Variants in SCRN1 observed in about 807,000 individuals in gnomAD.
The protein encoded by SCRN1 is secernin-1.
In SCRN1, 19 loss-of-function variants were observed where a neutral mutation model predicts 43.3. That is an observed-to-expected ratio of 0.44 (90% CI 0.31 to 0.64). The LOEUF is 0.64. Among genes scored for constraint, SCRN1 ranks in the 30% least tolerant of loss-of-function variants. The pLI, the probability that SCRN1 is intolerant of heterozygous loss-of-function variation, is 0.09. For synonymous variants in SCRN1, 183 were observed against 188.9 expected (o/e 0.97, Z 0.26); for missense variants, 447 against 524.1 (o/e 0.85, Z 1.44).
At chr7:29,933,484 T>A (rs955969079) in intron 6 of SCRN1, among the ~76,000 whole-genome samples, 6 of 152,168 alleles carry the variant, frequency 3.9e-5, no homozygotes, top group African/African-American at 1.4e-4. Context: ...ATTCTTCACA[T>A]CAATGAAGCT....
At chr7:29,947,279 A>T (rs1235789057) in intron 3 of SCRN1, 7 of 1,550,804 alleles carry the variant, frequency 4.5e-6, no homozygotes, top group Non-Finnish European at 6.1e-6. Context: ...TCTCACAGGT[A>T]TGTCAAGCTC....
intron 1 of SCRN1, among the ~76,000 whole-genome samples, chr7:29,986,235 C>CGA (rs373899817): frequency 7.9e-5 from 12 of 152,234 alleles, no homozygotes; most frequent in African/African-American, 2.4e-4. Context: ...GGCCCTGTCT[C>CGA]GAGAGAGAGC....
chr7:29,986,801 T>G (rs977294676), intron 1 of SCRN1, among the ~76,000 whole-genome samples: 4 of 144,912 alleles, frequency 2.8e-5, no homozygotes, highest in African/African-American at 1.0e-4. Context: ...CTCGCCTCAC[T>G]GCAACCTCCG....
intron 1 of SCRN1, among the ~76,000 whole-genome samples, chr7:29,972,720 A>C (rs1432917909): frequency 6.6e-6 from 1 of 152,242 alleles, no homozygotes; most frequent in African/African-American, 2.4e-5. Flanking sequence ...CCATGTGTGC[A>C]CTGACTAGCT....
chr7:29,936,855 C>T (rs1223484943), intron 5 of SCRN1, 134 bp from the exon 6 acceptor site: 3 of 520,058 alleles, frequency 5.8e-6, no homozygotes, highest in Non-Finnish European at 9.0e-6. Flanking sequence ...GACCATCCTG[C>T]ATAACACGGT....
chr7:29,947,728 A>T (rs1197491901), intron 3 of SCRN1, among the ~76,000 whole-genome samples: 1 of 152,222 alleles, frequency 6.6e-6, no homozygotes, highest in Non-Finnish European at 1.5e-5. Context: ...AAAAATTCAT[A>T]TGTTAAGCCT....
At chr7:29,945,190 C>G (rs534840458) in intron 3 of SCRN1, among the ~76,000 whole-genome samples, 2 of 152,178 alleles carry the variant, frequency 1.3e-5, no homozygotes, top group Non-Finnish European at 2.9e-5. Context: ...TCCATCTCCC[C>G]CTAGCCTTTC....
intron 4 of SCRN1, 99 bp from the exon 5 acceptor site, chr7:29,940,975 T>C (rs1787525222): frequency 1.0e-6 from 1 of 1,004,084 alleles, no homozygotes; most frequent in Non-Finnish European, 1.4e-6. Context: ...AAACACTGAC[T>C]TTAACTACAG....
intron 5 of SCRN1, among the ~76,000 whole-genome samples, chr7:29,937,555 A>T (rs1383502451): frequency 6.6e-6 from 1 of 152,214 alleles, no homozygotes; most frequent in Non-Finnish European, 1.5e-5. Flanking sequence ...AAGTACATAC[A>T]ATCTACTACG....
At chr7:29,928,462 G>C (rs1243020674) in intron 6 of SCRN1, among the ~76,000 whole-genome samples, 1 of 152,186 alleles carries the variant, frequency 6.6e-6, no homozygotes, top group Non-Finnish European at 1.5e-5. Flanking sequence ...TTGGGGCCCA[G>C]ACTAATTTAA....
At chr7:29,982,348 T>C (rs966166231) in intron 1 of SCRN1, among the ~76,000 whole-genome samples, 1 of 152,076 alleles carries the variant, frequency 6.6e-6, no homozygotes, top group African/African-American at 2.4e-5. Context: ...ATCACACACG[T>C]ATTATGTCCA....
In SCRN1 at chr7:29,955,237, T is replaced by C. The variant is rs1182424706; in HGVS notation, c.283A>G (p.Ile95Val). Residue 95 changes from isoleucine (I) to valine (V), a missense_variant, in exon 3 of 8, where the codon ATC (isoleucine) becomes GTC (valine). By Grantham distance (29) the Ile-to-Val change is conservative. Transcript: ENST00000242059. ...EHGVCIANEA[I>V]NTREPAAEIE... is the part of the protein sequence containing the mutation. Reference sequence around the variant, plus strand: ...TCGGCAGCTGGCTCTCTGGTGTTGATGGCTTCATTGGCTATGCACACTCCA... The same window carrying C: ...TCGGCAGCTGGCTCTCTGGTGTTGACGGCTTCATTGGCTATGCACACTCCA... The C allele has an allele frequency of 1.9e-6, 3 of 1,614,190 alleles. No individual in the cohort carries two copies. The highest frequency in any genetic ancestry group is 2.5e-6 in the Non-Finnish European group (3 of 1,180,032).
chr7:29,986,413 TTTC>T (rs1323096816), intron 1 of SCRN1, among the ~76,000 whole-genome samples: 1 of 152,094 alleles, frequency 6.6e-6, no homozygotes, highest in Non-Finnish European at 1.5e-5. Flanking sequence ...TTTTAAATTC[TTTC>T]TTCATATTAA....
At position 29,920,121 on chromosome 7, in the gene SCRN1, T is replaced by C. The variant is rs1036296599; in HGVS notation, c.*3836A>G. 1 of 152,634 alleles carries C rather than the reference T, an allele frequency of 6.6e-6. No homozygotes were observed. Among genetic ancestry groups the C allele is most frequent in the African/African-American group, 2.4e-5 (1 of 41,468 alleles). The allele number at this position is 152,634 out of a possible 1,614,324, so 9.5% of individuals were successfully genotyped here. A position where few individuals can be genotyped will look rare whatever the true frequency, so the allele number is the denominator to read the frequency against. On this transcript the variant is annotated 3_prime_UTR_variant, in exon 8 of 8. Transcript: ENST00000242059. ...ACTCCACTGGATGTTAATTTCAGTT[T>C]TTTTTATTGTATGCTTGATGCATTT...
intron 1 of SCRN1, among the ~76,000 whole-genome samples, chr7:29,974,776 T>C (rs556757402): frequency 1.3e-4 from 19 of 150,380 alleles, no homozygotes; most frequent in Middle Eastern, 3.5e-3. Context: ...CTCCACCTCC[T>C]GGGTTCAAGC....
intron 4 of SCRN1, 41 bp from the exon 5 acceptor site, chr7:29,940,917 A>C (rs1787523010): frequency 7.0e-7 from 1 of 1,418,826 alleles, no homozygotes; most frequent in Non-Finnish European, 9.3e-7. Flanking sequence ...AAATATACTT[A>C]TAAAGACTTA....
In SCRN1 at chr7:29,920,946, G is replaced by T. The variant is rs975921340; in HGVS notation, c.*3011C>A. ...AGCACTAAGGAACCTCCATAATTTC[G>T]ATTATATTCTACCTAAAATTTCAAA... On this transcript the variant is annotated 3_prime_UTR_variant, in exon 8 of 8. Transcript: ENST00000242059. 1 of 152,344 alleles carries T rather than the reference G, an allele frequency of 6.6e-6. No individual in the cohort carries two copies. Among genetic ancestry groups the T allele is most frequent in the Non-Finnish European group, 1.5e-5 (1 of 68,002 alleles). The allele number at this position is 152,344 out of a possible 1,614,324, so 9.4% of individuals were successfully genotyped here.
chr7:29,939,470 C>G, intron 5 of SCRN1, among the ~76,000 whole-genome samples: 1 of 152,188 alleles, frequency 6.6e-6, no homozygotes, highest in Non-Finnish European at 1.5e-5. Flanking sequence ...CTGCCTCAGC[C>G]TCCCCAAAGT....
At position 29,926,647 on chromosome 7, in the gene SCRN1, G is replaced by A. The variant is rs752721869; in HGVS notation, c.906-15C>T. 2.5e-6 allele frequency: 4 copies of A among 1,606,526 alleles called. No homozygotes were observed. In the East Asian group the frequency reaches 6.7e-5, roughly 27 times the overall value. On this transcript the variant is annotated splice_polypyrimidine_tract_variant and intron_variant, in intron 6 of 7. Transcript: ENST00000242059. ...TGAATATGGACCTGGAGAGGAAGGA[G>A]AGGCACTTCAGCCAGGCAGAGGCTG...
Sources: allele counts gnomAD v4.1 joint callset (sites outside exome capture counted in the v4.1 genomes callset), GRCh38; gene constraint gnomAD v4.1.1; transcripts MANE v1.5; gene names NCBI Gene and HGNC (gene_info 2026-07-23, HGNC 2026-07-21).